PXT1: variants seen among roughly 807,000 people sequenced by gnomAD.
PXT1 encodes peroxisomal testis-specific protein 1.
In PXT1, 11 loss-of-function variants were observed where a neutral mutation model predicts 11.0. The observed-to-expected ratio is 1.00, with a 90% CI of 0.63 to 1.66. The LOEUF is 1.66. Among genes scored for constraint, PXT1 ranks in the 40% most tolerant of loss-of-function variants. The pLI, the probability that PXT1 is intolerant of heterozygous loss-of-function variation, is 0.00. For missense variants in PXT1, 141 were observed against 155.5 expected (o/e 0.91, Z 0.49); for synonymous variants, 43 against 51.4 (o/e 0.84, Z 0.70).
At chr6:36,420,437 AT>A (rs1485167615) in intron 3 of PXT1, among the ~76,000 whole-genome samples, 1 of 152,226 alleles carries the variant, frequency 6.6e-6, no homozygotes, top group African/African-American at 2.4e-5. Context: ...TGTGCTTAAT[AT>A]GATACTTTTC....
At chr6:36,418,489 C>T (rs769601933) in intron 3 of PXT1, among the ~76,000 whole-genome samples, 1 of 152,148 alleles carries the variant, frequency 6.6e-6, no homozygotes, top group Non-Finnish European at 1.5e-5. Flanking sequence ...GTCCAAGCCC[C>T]TTTTCAACAT....
At chr6:36,420,177 T>TTATCTATC (rs553772533) in intron 3 of PXT1, among the ~76,000 whole-genome samples, 4 of 152,212 alleles carry the variant, frequency 2.6e-5, no homozygotes, top group African/African-American at 9.6e-5. Flanking sequence ...GGGAGCAATG[T>TTATCTATC]TATCTATCTA....
rs1774064183 is a variant in PXT1, at chr6:36,391,383, C to G, written c.*387G>C. 1 of 203,274 alleles carries G rather than the reference C, an allele frequency of 4.9e-6. No individual in the cohort carries two copies. The highest frequency in any genetic ancestry group is 8.4e-5 in the South Asian group (1 of 11,858). The allele number at this position is 203,274 out of a possible 1,614,324, so 12.6% of individuals were successfully genotyped here. On this transcript the variant is annotated 3_prime_UTR_variant, in exon 5 of 5. Transcript: ENST00000454782. ...AGGGCATGGTGCCCAGGGAGTGGGC[C>G]AGGAGGTAGTGCCCATTTCTGTGGC... is the stretch of plus-strand genomic sequence containing the variant.
chr6:36,408,701 A>C (rs1423831943), intron 3 of PXT1, among the ~76,000 whole-genome samples: 1 of 43,372 alleles, frequency 2.3e-5, no homozygotes, highest in African/African-American at 1.6e-4. Flanking sequence ...GCCTGTCTCT[A>C]CCAAAAAAAA....
At chr6:36,402,177 A>C (rs559143476) in intron 3 of PXT1, among the ~76,000 whole-genome samples, 166 of 152,232 alleles carry the variant, frequency 1.1e-3, no homozygotes, top group Middle Eastern at 3.4e-3. Context: ...TGCTTCCAGC[A>C]ACCAATGAGC....
intron 3 of PXT1, among the ~76,000 whole-genome samples, chr6:36,418,194 T>G (rs1325834320): frequency 6.9e-6 from 1 of 143,936 alleles, no homozygotes; most frequent in Non-Finnish European, 1.5e-5. Context: ...AGACTCCGTC[T>G]CAAAAAAAAA....
At chr6:36,417,289 G>A (rs1774462247) in intron 3 of PXT1, among the ~76,000 whole-genome samples, 2 of 152,146 alleles carry the variant, frequency 1.3e-5, no homozygotes, top group African/African-American at 4.8e-5. Flanking sequence ...AGAGGCTGCA[G>A]TGAGCCGAGA....
At chr6:36,406,581 G>A (rs574285596) in intron 3 of PXT1, among the ~76,000 whole-genome samples, 2 of 152,260 alleles carry the variant, frequency 1.3e-5, no homozygotes, top group African/African-American at 2.4e-5. Context: ...GGGAGGCTGA[G>A]GTGGGTGGAT....
chr6:36,437,820 C>CTTTT (rs375905408), intron 2 of PXT1, among the ~76,000 whole-genome samples: 13 of 79,446 alleles, frequency 1.6e-4, no homozygotes, highest in African/African-American at 5.1e-4. Context: ...CCAGCCACTG[C>CTTTT]TTTTTTTTTT....
intron 4 of PXT1, chr6:36,393,118 T>C (rs1774093342): frequency 6.6e-6 from 1 of 152,306 alleles, no homozygotes; most frequent in Admixed American, 6.5e-5. Flanking sequence ...ATTACAGGCA[T>C]GCACCACCAA....
chr6:36,416,651 CTATT>C (rs1250067046), intron 3 of PXT1, among the ~76,000 whole-genome samples: 1 of 152,198 alleles, frequency 6.6e-6, no homozygotes, highest in Non-Finnish European at 1.5e-5. Flanking sequence ...ATCATTATGA[CTATT>C]AAACAACGAT....
At chr6:36,418,689 A>C (rs1025370384) in intron 3 of PXT1, among the ~76,000 whole-genome samples, 3 of 152,250 alleles carry the variant, frequency 2.0e-5, no homozygotes, top group African/African-American at 7.2e-5. Context: ...TTGAAAAAAA[A>C]TCACCTTTCA....
intron 2 of PXT1, among the ~76,000 whole-genome samples, chr6:36,433,985 TTAATC>T (rs1175170389): frequency 6.6e-6 from 1 of 151,942 alleles, no homozygotes; most frequent in South Asian, 2.1e-4. Flanking sequence ...TAACAACTGT[TTAATC>T]TATTATAAGT....
intron 3 of PXT1, among the ~76,000 whole-genome samples, chr6:36,403,201 A>G (rs1774239211): frequency 6.6e-6 from 1 of 152,158 alleles, no homozygotes; most frequent in Non-Finnish European, 1.5e-5. Context: ...ATGTGCAGGC[A>G]AGTTTGAGGA....
At chr6:36,394,230 C>T (rs753978717) in intron 4 of PXT1, among the ~76,000 whole-genome samples, 1 of 152,148 alleles carries the variant, frequency 6.6e-6, no homozygotes, top group Non-Finnish European at 1.5e-5. Context: ...AGCTAAGTGA[C>T]CTTTGATAAG....
chr6:36,392,618 GC>G (rs2127408775), intron 4 of PXT1, among the ~76,000 whole-genome samples: 1 of 152,226 alleles, frequency 6.6e-6, no homozygotes, highest in Admixed American at 6.5e-5. Flanking sequence ...CTGTGATTGT[GC>G]CACAGCACTC....
intron 3 of PXT1, among the ~76,000 whole-genome samples, chr6:36,406,676 C>T (rs1172070690): frequency 4.6e-5 from 7 of 151,762 alleles, no homozygotes; most frequent in Admixed American, 6.6e-5. Context: ...CTGGGTGTGG[C>T]GGTGCATGTC....
intron 2 of PXT1, among the ~76,000 whole-genome samples, chr6:36,437,183 A>T (rs1774777046): frequency 1.3e-5 from 2 of 152,104 alleles, no homozygotes; most frequent in African/African-American, 4.8e-5. Context: ...GCTACTTGGG[A>T]GGCTAAGGCA....
At chr6:36,437,805 C>G (rs991330160) in intron 2 of PXT1, among the ~76,000 whole-genome samples, 2 of 144,400 alleles carry the variant, frequency 1.4e-5, no homozygotes, top group African/African-American at 5.2e-5. Flanking sequence ...CGTGAGCCAC[C>G]GTGCCCAGCC....
Sources: allele counts gnomAD v4.1 joint callset (sites outside exome capture counted in the v4.1 genomes callset), GRCh38; gene constraint gnomAD v4.1.1; transcripts MANE v1.5; gene names NCBI Gene and HGNC (gene_info 2026-07-23, HGNC 2026-07-21).